ZNF592: variants seen among roughly 807,000 people sequenced by gnomAD.
The protein encoded by ZNF592 is spinocerebellar ataxia, autosomal recessive 5.
ZNF592 carries 11 observed loss-of-function variants against 80.3 expected under a neutral mutation model. That is an observed-to-expected ratio of 0.14 (90% CI 0.09 to 0.23). ZNF592 has a LOEUF of 0.23. Among genes scored for constraint, ZNF592 ranks in the 10% least tolerant of loss-of-function variants. ZNF592 has a pLI of 1.00. For synonymous variants in ZNF592, 646 were observed against 640.3 expected (o/e 1.01, Z -0.13); for missense variants, 1,420 against 1,633.9 (o/e 0.87, Z 2.26).
chr15:84,761,213 A>G (rs1899340960), intron 1 of ZNF592, among the ~76,000 whole-genome samples: 1 of 151,846 alleles, frequency 6.6e-6, no homozygotes, highest in South Asian at 2.1e-4. Context: ...TGATCCACCC[A>G]CCTTGGCCTC....
At chr15:84,749,076 C>T (rs1898935748) in intron 1 of ZNF592, among the ~76,000 whole-genome samples, 1 of 152,214 alleles carries the variant, frequency 6.6e-6, no homozygotes, top group South Asian at 2.1e-4. Flanking sequence ...GTCCCCGCCG[C>T]CCGAAGAGCT....
chr15:84,773,402 G>A (rs1017001136), intron 2 of ZNF592, among the ~76,000 whole-genome samples: 3 of 151,928 alleles, frequency 2.0e-5, no homozygotes, highest in Non-Finnish European at 2.9e-5. Flanking sequence ...TAGTAGAGAC[G>A]GGGTTTCACC....
chr15:84,773,781 A>G (rs1422813709), intron 2 of ZNF592, among the ~76,000 whole-genome samples: 1 of 151,926 alleles, frequency 6.6e-6, no homozygotes, highest in Non-Finnish European at 1.5e-5. Flanking sequence ...GGGTCTCATT[A>G]GAAAGCCCTT....
At chr15:84,774,063 C>A (rs1209970471) in intron 2 of ZNF592, among the ~76,000 whole-genome samples, 2 of 152,170 alleles carry the variant, frequency 1.3e-5, no homozygotes, top group Non-Finnish European at 2.9e-5. Flanking sequence ...GCTTAAAATC[C>A]ATTATTCTAA....
chr15:84,796,832 G>T (rs1159753538), intron 5 of ZNF592, among the ~76,000 whole-genome samples: 2 of 152,210 alleles, frequency 1.3e-5, no homozygotes, highest in Admixed American at 6.5e-5. Context: ...TGGTCCAGTA[G>T]AGTATAGTAT....
chr15:84,767,791 A>C (rs1488426596), intron 2 of ZNF592, among the ~76,000 whole-genome samples: 1 of 152,004 alleles, frequency 6.6e-6, no homozygotes, highest in African/African-American at 2.4e-5. Context: ...CATGCCATAC[A>C]ATTTACCCAT....
chr15:84,798,735 C>T lies in ZNF592; in HGVS notation c.2884C>T (p.Arg962Cys), dbSNP rs143513797. The change falls in exon 8 of 11, where the codon CGC (arginine) becomes TGC (cysteine). Residue 962 changes from arginine (R) to cysteine (C), a missense_variant. Transcript: ENST00000560079. The surrounding 1 kb of genome is among the most constrained non-coding windows in gnomAD (Gnocchi z 4.5). ...AARSSSLPSGRWGRPEAHRRV... is the reference protein window; with the variant it reads ...AARSSSLPSGCWGRPEAHRRV... Reference sequence around the variant, plus strand: ...TCGGAGCAGCTCCCTGCCTTCTGGCCGCTGGGGTAGGCCTGAAGCCCACCG... The same window carrying T: ...TCGGAGCAGCTCCCTGCCTTCTGGCTGCTGGGGTAGGCCTGAAGCCCACCG... 1.1e-5 allele frequency: 17 copies of T among 1,610,870 alleles called. No individual in the cohort carries two copies. The highest frequency in any genetic ancestry group is 4.5e-5 in the East Asian group (2 of 44,874).
chr15:84,759,163 T>C (rs1228754839), intron 1 of ZNF592, among the ~76,000 whole-genome samples: 2 of 152,268 alleles, frequency 1.3e-5, no homozygotes, highest in East Asian at 1.9e-4. Context: ...GAGTTGGTGC[T>C]CTGTAGAGCA....
intron 2 of ZNF592, among the ~76,000 whole-genome samples, chr15:84,772,047 A>G (rs1596115200): frequency 1.3e-5 from 2 of 152,222 alleles, no homozygotes; most frequent in Non-Finnish European, 2.9e-5. Flanking sequence ...AGGTCTTCAC[A>G]CAAGTAACTA....
intron 1 of ZNF592, among the ~76,000 whole-genome samples, chr15:84,751,183 C>G (rs1172418448): frequency 1.3e-5 from 2 of 152,178 alleles, no homozygotes; most frequent in African/African-American, 4.8e-5. Flanking sequence ...GAGTACCTGC[C>G]AGGTGGGAGA....
Position 84,802,031 on chromosome 15 carries a change from G to C in ZNF592, c.3442G>C (p.Val1148Leu). ...TCAGAGCCACATACCTCAGCACCAG[G>C]TGGACAGCTCCACAGCCCAATGTCT... ...EFQSHIPQHQ[V>L]DSSTAQCLLC... The change falls in exon 11 of 11, where the codon GTG becomes CTG. Residue 1148 changes from valine to leucine, a missense_variant. Coordinates refer to ENST00000560079, the MANE Select transcript of ZNF592 (RefSeq NM_014630.3). 2 of 1,613,932 alleles carry C rather than the reference G, an allele frequency of 1.2e-6. No individual in the cohort carries two copies. Among genetic ancestry groups the C allele is most frequent in the Non-Finnish European group, 8.5e-7 (1 of 1,179,872 alleles).
At position 84,802,044 on chromosome 15, in the gene ZNF592, C is replaced by T; in HGVS notation, c.3455C>T (p.Thr1152Ile). The change falls in exon 11 of 11, where the codon ACA (threonine) becomes ATA (isoleucine). Residue 1152 changes from threonine to isoleucine, a missense_variant. Coordinates refer to ENST00000560079, the MANE Select transcript of ZNF592 (RefSeq NM_014630.3). ...HIPQHQVDSS[T>I]AQCLLCGLCY... ...CCTCAGCACCAGGTGGACAGCTCCA[C>T]AGCCCAATGTCTCCTCTGTGGTTTG... is the stretch of plus-strand genomic sequence containing the variant. 1 of 1,613,924 alleles carries T rather than the reference C, an allele frequency of 6.2e-7. No individual in the cohort carries two copies. The highest frequency in any genetic ancestry group is 8.5e-7 in the Non-Finnish European group (1 of 1,179,868).
In ZNF592 at chr15:84,806,155, T is replaced by TTC. The variant is rs1353364613; in HGVS notation, c.*3767_*3768dup. 6.6e-6 allele frequency: 1 copy of TTC among 152,420 alleles called. No individual in the cohort carries two copies. Among genetic ancestry groups the TTC allele is most frequent in the Non-Finnish European group, 1.5e-5 (1 of 68,042 alleles). The allele number at this position is 152,420 out of a possible 1,614,324, so 9.4% of individuals were successfully genotyped here. A position where few individuals can be genotyped will look rare whatever the true frequency, so the allele number is the denominator to read the frequency against. ...CTGATTCAATTGGTAGCTACAGCTG[T>TTC]TCTCTCAGGGTCTGATCTGACCAAG... On this transcript the variant is annotated 3_prime_UTR_variant, in exon 11 of 11. Coordinates refer to ENST00000560079, the MANE Select transcript of ZNF592 (RefSeq NM_014630.3).
chr15:84,768,609 C>T (rs1291502913), intron 2 of ZNF592, among the ~76,000 whole-genome samples: 1 of 152,106 alleles, frequency 6.6e-6, no homozygotes, highest in Non-Finnish European at 1.5e-5. Context: ...TCAGAGCTAG[C>T]CTTTTCTTTC....
chr15:84,789,621 C>T (rs902978599), intron 4 of ZNF592, among the ~76,000 whole-genome samples: 10 of 152,210 alleles, frequency 6.6e-5, no homozygotes, highest in African/African-American at 2.4e-4. Context: ...AAATAGTAGC[C>T]ATCCTAGTGG....
intron 1 of ZNF592, among the ~76,000 whole-genome samples, chr15:84,761,345 G>T (rs1216281549): frequency 4.6e-5 from 7 of 152,176 alleles, no homozygotes; most frequent in Non-Finnish European, 8.8e-5. Context: ...TTTGCAGGAT[G>T]ACCAAGTAGG....
At chr15:84,755,297 A>T (rs1386097034) in intron 1 of ZNF592, among the ~76,000 whole-genome samples, 5 of 151,554 alleles carry the variant, frequency 3.3e-5, no homozygotes, top group African/African-American at 2.4e-5. Flanking sequence ...AGTTTTTTTT[A>T]ATTTTTTTTT....
At chr15:84,750,363 T>C (rs1898979996) in intron 1 of ZNF592, among the ~76,000 whole-genome samples, 1 of 152,244 alleles carries the variant, frequency 6.6e-6, no homozygotes, top group African/African-American at 2.4e-5. Flanking sequence ...CAAATACGTG[T>C]TAGGCATTGT....
intron 2 of ZNF592, 85 bp downstream of exon 2, chr15:84,764,900 G>GTT: frequency 1.5e-5 from 4 of 274,524 alleles, no homozygotes; most frequent in Admixed American, 7.5e-5. Flanking sequence ...ATTTTGTTTT[G>GTT]TTTTGTTTTG....
Sources: allele counts gnomAD v4.1 joint callset (sites outside exome capture counted in the v4.1 genomes callset), GRCh38; gene constraint gnomAD v4.1.1; non-coding constraint Gnocchi (gnomAD v3.1); transcripts MANE v1.5; gene names NCBI Gene and HGNC (gene_info 2026-07-23, HGNC 2026-07-21).